Variants in EPB41L3 observed in about 807,000 individuals in gnomAD.
EPB41L3 encodes band 4.1-like protein 3.
EPB41L3 carries 57 observed loss-of-function variants against 127.1 expected under a neutral mutation model. That is an observed-to-expected ratio of 0.45 (90% CI 0.36 to 0.56). The LOEUF (loss-of-function observed/expected upper bound fraction) is 0.56. Among genes scored for constraint, EPB41L3 ranks in the 20% least tolerant of loss-of-function variants. The probability of loss-of-function intolerance (pLI) is 0.00; values close to 1 mark genes in which losing one functional copy is unlikely to be tolerated. For synonymous variants in EPB41L3, 572 were observed against 549.5 expected (o/e 1.04, Z -0.57); for missense variants, 1,273 against 1,372.2 (o/e 0.93, Z 1.14).
At chr18:5,599,381 TG>T (rs1161742203) in intron 3 of EPB41L3, among the ~76,000 whole-genome samples, 1 of 152,166 alleles carries the variant, frequency 6.6e-6, no homozygotes, top group Admixed American at 6.6e-5. Context: ...CCTTGGCTGT[TG>T]ATGTCATCAT....
At chr18:5,472,221 G>GT (rs1241010013) in intron 3 of EPB41L3, among the ~76,000 whole-genome samples, 1 of 152,132 alleles carries the variant, frequency 6.6e-6, no homozygotes, top group African/African-American at 2.4e-5. Context: ...TGTCAATACC[G>GT]TAAGATTTAA....
chr18:5,459,582 A>C (rs924891747), intron 3 of EPB41L3, among the ~76,000 whole-genome samples: 5 of 152,226 alleles, frequency 3.3e-5, no homozygotes, highest in African/African-American at 1.2e-4. Context: ...TCATTAATTA[A>C]AATGAAAATT....
intron 1 of EPB41L3, among the ~76,000 whole-genome samples, chr18:5,490,769 G>A (rs1183808676): frequency 2.0e-5 from 3 of 152,160 alleles, no homozygotes; most frequent in Non-Finnish European, 4.4e-5. Flanking sequence ...AAACAGTAGA[G>A]GAGGAGGAAA....
At chr18:5,490,216 C>A (rs749494165) in intron 1 of EPB41L3, among the ~76,000 whole-genome samples, 6 of 152,142 alleles carry the variant, frequency 3.9e-5, no homozygotes, top group African/African-American at 7.2e-5. Flanking sequence ...CAATTACTTA[C>A]CTTAGGTATA....
chr18:5,463,191 T>C (rs987690988), intron 3 of EPB41L3, among the ~76,000 whole-genome samples: 4 of 152,356 alleles, frequency 2.6e-5, no homozygotes, highest in Middle Eastern at 3.4e-3. Flanking sequence ...CTAGTGTCCC[T>C]GTTCTATTCT....
At chr18:5,492,399 C>T (rs1471058771) in intron 1 of EPB41L3, among the ~76,000 whole-genome samples, 1 of 145,246 alleles carries the variant, frequency 6.9e-6, no homozygotes, top group Non-Finnish European at 1.5e-5. Flanking sequence ...CTCCTTCACT[C>T]TTAAACCCAA....
chr18:5,625,509 T>G (rs1166013949), intron 1 of EPB41L3, among the ~76,000 whole-genome samples: 4 of 152,222 alleles, frequency 2.6e-5, no homozygotes, highest in Non-Finnish European at 4.4e-5. Flanking sequence ...ATGAAATTGA[T>G]GAATGAAATT....
intron 1 of EPB41L3, among the ~76,000 whole-genome samples, chr18:5,490,957 C>T (rs1236474732): frequency 1.3e-5 from 2 of 152,190 alleles, no homozygotes; most frequent in Non-Finnish European, 2.9e-5. Context: ...TACCCCCCAT[C>T]TCAAGGAGCT....
At chr18:5,407,152 A>G in intron 15 of EPB41L3, 184 bp from the exon 16 acceptor site, 1 of 597,924 alleles carries the variant, frequency 1.7e-6, no homozygotes, top group Non-Finnish European at 2.9e-6. Flanking sequence ...ATGGAAAGGA[A>G]ACAGAAAAAA....
chr18:5,535,172 C>T (rs1360542772), intron 1 of EPB41L3, among the ~76,000 whole-genome samples: 2 of 152,078 alleles, frequency 1.3e-5, no homozygotes, highest in Admixed American at 1.3e-4. Flanking sequence ...ACAGTTTCTT[C>T]CTGAAACCAT....
intron 3 of EPB41L3, among the ~76,000 whole-genome samples, chr18:5,608,264 G>A (rs1328329924): frequency 6.6e-6 from 1 of 152,106 alleles, no homozygotes; most frequent in Non-Finnish European, 1.5e-5. Flanking sequence ...CACACCAGAT[G>A]TGTTGTTGTT....
At chr18:5,530,547 TCTCTCCCACTGCC>T (rs1357935662) in intron 1 of EPB41L3, among the ~76,000 whole-genome samples, 1 of 151,956 alleles carries the variant, frequency 6.6e-6, no homozygotes, top group Non-Finnish European at 1.5e-5. Context: ...CTAAGACTCA[TCTCTCCCACTGCC>T]CTCGGAGCCC....
At chr18:5,408,483 C>T (rs2075788728) in intron 14 of EPB41L3, among the ~76,000 whole-genome samples, 1 of 151,756 alleles carries the variant, frequency 6.6e-6, no homozygotes, top group Non-Finnish European at 1.5e-5. Context: ...CCATGTTCAC[C>T]AGGCTAGTCT....
Position 5,584,789 on chromosome 18 carries a change from G to T in EPB41L3, c.-306+27551C>A, listed in dbSNP as rs2143335705. On this transcript the variant is annotated intron_variant, in intron 3 of 21. Transcript: ENST00000545076. ...AATAACTTACAACCATCAATGGTGA[G>T]ACATCCCAAAGTATCAAATTATTTC... Among the ~76,000 whole-genome samples, 3 of 152,300 alleles carry T rather than the reference G, an allele frequency of 2.0e-5. No homozygotes were observed. The Middle Eastern group carries it at 0.01, about 518-fold the overall frequency.
intron 1 of EPB41L3, among the ~76,000 whole-genome samples, chr18:5,493,559 T>G (rs561752315): frequency 6.7e-6 from 1 of 150,108 alleles, no homozygotes; most frequent in African/African-American, 2.4e-5. Context: ...TCTACTGAAT[T>G]TTTTCTATTT....
At chr18:5,444,717 G>T (rs779532486) in intron 4 of EPB41L3, among the ~76,000 whole-genome samples, 1 of 152,176 alleles carries the variant, frequency 6.6e-6, no homozygotes, top group African/African-American at 2.4e-5. Context: ...ATGGTGAACT[G>T]CCCTGACAGT....
chr18:5,433,061 TAGTC>T (rs770138920), intron 8 of EPB41L3, among the ~76,000 whole-genome samples: 27 of 152,096 alleles, frequency 1.8e-4, no homozygotes, highest in Admixed American at 3.9e-4. Context: ...GAGACGGACA[TAGTC>T]AGGGAAAGCG....
intron 2 of EPB41L3, among the ~76,000 whole-genome samples, chr18:5,484,983 T>G (rs1326319815): frequency 1.3e-5 from 2 of 150,288 alleles, no homozygotes; most frequent in Admixed American, 1.3e-4. Flanking sequence ...TCCAAACTCA[T>G]GCTACAAGGT....
intron 1 of EPB41L3, among the ~76,000 whole-genome samples, chr18:5,493,137 C>T (rs1243617552): frequency 6.6e-6 from 1 of 152,184 alleles, no homozygotes; most frequent in African/African-American, 2.4e-5. Context: ...ATCTCCATCT[C>T]CTAACTAAAT....
Sources: allele counts gnomAD v4.1 joint callset (sites outside exome capture counted in the v4.1 genomes callset), GRCh38; gene constraint gnomAD v4.1.1; transcripts MANE v1.5; gene names NCBI Gene and HGNC (gene_info 2026-07-23, HGNC 2026-07-21).